Variants in ZNG1A observed in about 807,000 individuals in gnomAD.
The protein encoded by ZNG1A is zinc-regulated GTPase metalloprotein activator 1A.
the ZNG1A span, among the ~76,000 whole-genome samples, chr9:160,294 C>T: frequency 2.0e-5 from 3 of 151,952 alleles, no homozygotes; most frequent in African/African-American, 7.3e-5. Context: ...CTCTGTGAAG[C>T]ATGACATTCT....
chr9:172,101 G>A, the ZNG1A span: 30 of 1,611,014 alleles, frequency 1.9e-5, no homozygotes, highest in Non-Finnish European at 5.1e-6. Context: ...TAATCCAGTG[G>A]TCTCTAACAG....
chr9:177,982 G>A, the ZNG1A span, among the ~76,000 whole-genome samples: 1 of 147,070 alleles, frequency 6.8e-6, no homozygotes, highest in Non-Finnish European at 1.5e-5. Context: ...CCTGTCTCTA[G>A]CAACAACTAG....
At chr9:149,139 C>T in the ZNG1A span, 5 of 151,276 alleles carry the variant, frequency 3.3e-5, no homozygotes, top group Admixed American at 3.3e-4. Context: ...CACTACCCGA[C>T]CTGTTGCTCC....
the ZNG1A span, among the ~76,000 whole-genome samples, chr9:140,604 C>G: frequency 6.8e-6 from 1 of 147,324 alleles, no homozygotes; most frequent in Non-Finnish European, 1.5e-5. Flanking sequence ...AAAAGCAGAG[C>G]GCCTCTCCTC....
chr9:168,609 G>C, the ZNG1A span, among the ~76,000 whole-genome samples: 1 of 149,304 alleles, frequency 6.7e-6, no homozygotes, highest in Non-Finnish European at 1.5e-5. Flanking sequence ...ATGCCATTTA[G>C]GACTTTCATA....
At chr9:141,745 G>C in the ZNG1A span, among the ~76,000 whole-genome samples, 1 of 151,648 alleles carries the variant, frequency 6.6e-6, no homozygotes, top group South Asian at 2.1e-4. Context: ...ACACAGACTG[G>C]CAAATTGGAT....
At chr9:124,973 T>C in the ZNG1A span, among the ~76,000 whole-genome samples, 2 of 152,226 alleles carry the variant, frequency 1.3e-5, no homozygotes, top group African/African-American at 4.8e-5. Context: ...GGCCTTTGGG[T>C]TGGTTCCACG....
chr9:145,670 C>T, the ZNG1A span, among the ~76,000 whole-genome samples: 25 of 150,432 alleles, frequency 1.7e-4, no homozygotes, highest in African/African-American at 5.4e-4. Context: ...GCACATTGTG[C>T]ACCTGTACCC....
At chr9:137,493 A>C in the ZNG1A span, among the ~76,000 whole-genome samples, 1 of 152,156 alleles carries the variant, frequency 6.6e-6, no homozygotes, top group Non-Finnish European at 1.5e-5. Flanking sequence ...AATTAAAAAT[A>C]CAGTTCTAAT....
At chr9:171,648 T>A in the ZNG1A span, 644 of 210,430 alleles carry the variant, frequency 3.1e-3, 7 homozygotes, top group African/African-American at 0.015. Context: ...TATGGGAGGA[T>A]GTGCATAGCT....
At chr9:161,240 G>A in the ZNG1A span, among the ~76,000 whole-genome samples, 4 of 151,842 alleles carry the variant, frequency 2.6e-5, no homozygotes, top group Admixed American at 6.6e-5. Context: ...AGGCCGAGGC[G>A]GGTGGATCAC....
chr9:129,187 T>G, the ZNG1A span, among the ~76,000 whole-genome samples: 1 of 151,998 alleles, frequency 6.6e-6, no homozygotes, highest in African/African-American at 2.4e-5. Flanking sequence ...TTCCAGAGAG[T>G]GTCAGTTGTG....
the ZNG1A span, chr9:147,136 C>G: frequency 1.4e-5 from 2 of 146,490 alleles, no homozygotes; most frequent in African/African-American, 5.2e-5. Flanking sequence ...CAAGATTGCA[C>G]CACTGCACTC....
At chr9:169,855 T>C in the ZNG1A span, among the ~76,000 whole-genome samples, 1 of 1,504 alleles carries the variant, frequency 6.6e-4, no homozygotes, top group Non-Finnish European at 6.6e-3. Context: ...TAAACACAGC[T>C]TTTTTTTTTT....
the ZNG1A span, among the ~76,000 whole-genome samples, chr9:171,323 C>T: frequency 6.6e-6 from 1 of 151,124 alleles, no homozygotes; most frequent in African/African-American, 2.4e-5. Flanking sequence ...GCCCCAATGC[C>T]AGAGACCCAG....
chr9:170,891 CT>C, the ZNG1A span, among the ~76,000 whole-genome samples: 1 of 143,570 alleles, frequency 7.0e-6, no homozygotes, highest in Non-Finnish European at 1.5e-5. Context: ...TTTAGTTTTT[CT>C]TTCTTCCTCT....
chr9:151,427 C>A, the ZNG1A span: 2 of 958,334 alleles, frequency 2.1e-6, no homozygotes, highest in East Asian at 1.2e-4. Context: ...AGCTGCTGAG[C>A]CTTTCTCACC....
At chr9:173,428 T>C in the ZNG1A span, 2 of 1,606,106 alleles carry the variant, frequency 1.2e-6, no homozygotes, top group Non-Finnish European at 1.7e-6. Context: ...AAAACAAAGA[T>C]GAGGATAACT....
At chr9:129,678 G>T in the ZNG1A span, among the ~76,000 whole-genome samples, 12 of 150,382 alleles carry the variant, frequency 8.0e-5, no homozygotes, top group East Asian at 1.6e-3. Flanking sequence ...CGAAAATTGG[G>T]GGGGGCTGTT....
Sources: gnomAD v4.1 joint callset for allele counts (sites outside exome capture counted in the v4.1 genomes callset) on GRCh38, gnomAD v4.1.1 for gene constraint, MANE v1.5 for transcripts, NCBI Gene and HGNC (gene_info 2026-07-23, HGNC 2026-07-21) for gene names.